The following THTPA variants were observed in gnomAD, a reference collection of about 807,000 sequenced individuals.
The protein encoded by THTPA is thiamine-triphosphatase.
In THTPA, 16 loss-of-function variants were observed where a neutral mutation model predicts 16.5. The ratio of observed to expected loss-of-function variants is 0.97; its 90% CI spans 0.66 to 1.47. THTPA has a LOEUF of 1.47. Among genes scored for constraint, THTPA ranks in the 40% most tolerant of loss-of-function variants. The pLI is 0.00. For synonymous variants in THTPA, 110 were observed against 115.5 expected (o/e 0.95, Z 0.30); for missense variants, 281 against 280.9 (o/e 1.00, Z 0.00).
At chr14:23,517,570 G>A in the THTPA span, among the ~76,000 whole-genome samples, 6 of 152,210 alleles carry the variant, frequency 3.9e-5, no homozygotes, top group Admixed American at 6.5e-5. Context: ...ATTCGCAGAA[G>A]TTTACCCTGT....
chr14:23,555,047 G>T (rs1049025394), upstream of THTPA, among the ~76,000 whole-genome samples: 1 of 152,138 alleles, frequency 6.6e-6, no homozygotes, highest in Admixed American at 6.5e-5. Flanking sequence ...GAGTGCAGTG[G>T]CGCCATCTCA....
At chr14:23,526,125 G>T in the THTPA span, 1 of 1,536,536 alleles carries the variant, frequency 6.5e-7, no homozygotes, top group Non-Finnish European at 8.7e-7. Flanking sequence ...GAGCGAGTCT[G>T]ATGCAGAACT....
chr14:23,528,701 C>T, the THTPA span: 1 of 985,392 alleles, frequency 1.0e-6, no homozygotes, highest in Non-Finnish European at 1.2e-6. Context: ...CTTTCTTTTT[C>T]CTTCTTCTTT....
In THTPA at chr14:23,559,655, C is replaced by T. The variant is rs2139020842; in HGVS notation, c.*815C>T. The T allele has an allele frequency of 8.7e-7, 1 of 1,150,208 alleles. No homozygotes were observed. The highest frequency in any genetic ancestry group is 1.3e-6 in the Non-Finnish European group (1 of 779,056). The allele number at this position is 1,150,208 out of a possible 1,614,324, so 71.3% of individuals were successfully genotyped here. A position where few individuals can be genotyped will look rare whatever the true frequency, so the allele number is the denominator to read the frequency against. ...GTTTTTGCAGTGCAAAGCCAGAGCG[C>T]CACCTGCTGGTAGCCCTCAGGTGTA... On this transcript the variant is annotated 3_prime_UTR_variant, in exon 2 of 2. Transcript: ENST00000288014.
At chr14:23,523,079 G>C in the THTPA span, 1 of 1,403,230 alleles carries the variant, frequency 7.1e-7, no homozygotes. The surrounding 1 kb of genome is among the most constrained non-coding windows in gnomAD (Gnocchi z 4.1). Context: ...TTTCCCCCAA[G>C]AGCCTGATGC....
chr14:23,559,668 G>T lies in THTPA; in HGVS notation c.*828G>T. The stretch of plus-strand genomic sequence containing the variant: ...AAAGCCAGAGCGCCACCTGCTGGTA[G>T]CCCTCAGGTGTAGGTTCGAAGCTGC... On this transcript the variant is annotated 3_prime_UTR_variant, in exon 2 of 2. Transcript: ENST00000288014. The T allele has an allele frequency of 2.4e-6, 3 of 1,276,576 alleles. No homozygotes were observed. The highest frequency in any genetic ancestry group is 2.4e-5 in the East Asian group (1 of 41,248). 79.1% of individuals were successfully genotyped at this position (1,276,576 alleles called of 1,614,324 possible). A position where few individuals can be genotyped will look rare whatever the true frequency, so the allele number is the denominator to read the frequency against.
the THTPA span, chr14:23,534,023 G>A: frequency 1.3e-6 from 2 of 1,536,742 alleles, no homozygotes; most frequent in Non-Finnish European, 1.7e-6. The surrounding 1 kb of genome is among the most constrained non-coding windows in gnomAD (Gnocchi z 4.5). Context: ...GACAGGCTGA[G>A]GCCCTGGAAG....
At position 23,557,183 on chromosome 14, in the gene THTPA, C is replaced by T. The variant is rs1882487133; in HGVS notation, c.426C>T (p.Leu142=). 3.1e-6 allele frequency: 5 copies of T among 1,614,096 alleles called. No homozygotes were observed. The highest frequency in any genetic ancestry group is 1.6e-4 in the Middle Eastern group (1 of 6,062). The change falls in exon 1 of 2, where the codon CTC becomes CTT. Residue 142 remains leucine, a synonymous_variant. Coordinates refer to ENST00000288014, the MANE Select transcript of THTPA (RefSeq NM_024328.6). ...LLGADEEEPQ[L]RVDLDTADFG... is the part of the protein sequence containing the mutation. ...GAGCTGATGAAGAGGAGCCACAGCT[C>T]AGGGTGGACTTGGATACAGCCGACT...
the THTPA span, chr14:23,530,820 C>G: frequency 4.2e-6 from 1 of 238,384 alleles, no homozygotes; most frequent in Non-Finnish European, 8.2e-6. Context: ...GTTCCTGGCT[C>G]CTGCTGCCCA....
At chr14:23,546,757 C>T in the THTPA span, among the ~76,000 whole-genome samples, 7 of 152,106 alleles carry the variant, frequency 4.6e-5, no homozygotes, top group Admixed American at 6.5e-5. The surrounding 1 kb of genome is among the most constrained non-coding windows in gnomAD (Gnocchi z 4.7). Context: ...GAGTTTCTAA[C>T]GGTGAGGTAA....
At chr14:23,524,360 C>A in the THTPA span, 1 of 1,536,140 alleles carries the variant, frequency 6.5e-7, no homozygotes. The surrounding 1 kb of genome is among the most constrained non-coding windows in gnomAD (Gnocchi z 5.6). Context: ...GATGGTGGTG[C>A]GCAGGCGCTT....
chr14:23,532,301 T>C, the THTPA span: 3 of 372,572 alleles, frequency 8.1e-6, no homozygotes, highest in Non-Finnish European at 1.4e-5. Context: ...CATGACAAAC[T>C]GAGCTGATAC....
chr14:23,540,670 G>C, the THTPA span, among the ~76,000 whole-genome samples: 1 of 152,232 alleles, frequency 6.6e-6, no homozygotes, highest in Non-Finnish European at 1.5e-5. Context: ...CTCACTAGCT[G>C]TGCAACTCTG....
At chr14:23,524,778 C>T in the THTPA span, 2 of 1,536,610 alleles carry the variant, frequency 1.3e-6, no homozygotes, top group Non-Finnish European at 1.7e-6. The surrounding 1 kb of genome is among the most constrained non-coding windows in gnomAD (Gnocchi z 5.6). Flanking sequence ...AGGCCCTGTT[C>T]CTCCTCTACT....
chr14:23,523,555 G>T, the THTPA span: 1 of 1,537,682 alleles, frequency 6.5e-7, no homozygotes. The surrounding 1 kb of genome is among the most constrained non-coding windows in gnomAD (Gnocchi z 4.1). Flanking sequence ...TGCTCCCAGC[G>T]GCTGTCCCCT....
chr14:23,557,176 C>T lies in THTPA; in HGVS notation c.419C>T (p.Pro140Leu). Residue 140 changes from proline to leucine, a missense_variant, in exon 1 of 2, where the codon CCA becomes CTA. Pro to Leu is a moderately conservative substitution (Grantham distance 98). Coordinates refer to ENST00000288014, the MANE Select transcript of THTPA (RefSeq NM_024328.6). ...CTCTTGGGAGCTGATGAAGAGGAGC[C>T]ACAGCTCAGGGTGGACTTGGATACA... is the stretch of plus-strand genomic sequence containing the variant. ...LVLLGADEEE[P>L]QLRVDLDTAD... 1.9e-6 allele frequency: 3 copies of T among 1,614,114 alleles called. No individual in the cohort carries two copies. The highest frequency in any genetic ancestry group is 2.5e-6 in the Non-Finnish European group (3 of 1,180,030).
chr14:23,529,456 C>CCCTCAAGTTTCTGCTGTCAT, the THTPA span: 1 of 500,686 alleles, frequency 2.0e-6, no homozygotes, highest in East Asian at 3.6e-5. Context: ...CAGCACAATT[C>CCCTCAAGTTTCTGCTGTCAT]CTTTATTCAT....
the THTPA span, chr14:23,526,045 C>G: frequency 6.5e-7 from 1 of 1,536,484 alleles, no homozygotes; most frequent in Non-Finnish European, 8.7e-7. Flanking sequence ...CCCCCTCTGT[C>G]TCGCCTTCCT....
the THTPA span, among the ~76,000 whole-genome samples, chr14:23,549,826 C>A: frequency 6.6e-6 from 1 of 152,162 alleles, no homozygotes; most frequent in Non-Finnish European, 1.5e-5. Flanking sequence ...ATACCCCACA[C>A]CTCTCCCAGC....
Sources: gnomAD v4.1 joint callset for allele counts (sites outside exome capture counted in the v4.1 genomes callset) on GRCh38, gnomAD v4.1.1 for gene constraint, Gnocchi (gnomAD v3.1) non-coding constraint, MANE v1.5 for transcripts, NCBI Gene and HGNC (gene_info 2026-07-23, HGNC 2026-07-21) for gene names.